Variants in PRPSAP2 observed in about 807,000 individuals in gnomAD.
PRPSAP2 encodes the protein phosphoribosyl pyrophosphate synthase-associated protein 2.
In PRPSAP2, 24 loss-of-function variants were observed where a neutral mutation model predicts 40.6. That is an observed-to-expected ratio of 0.59 (90% CI 0.43 to 0.83). The LOEUF (loss-of-function observed/expected upper bound fraction) is 0.83, where lower values mean the gene tolerates loss of function less well. PRPSAP2 is among the 40% of genes least tolerant of loss of function. The pLI, the probability that PRPSAP2 is intolerant of heterozygous loss-of-function variation, is 0.00. For missense variants in PRPSAP2, 292 were observed against 465.6 expected (o/e 0.63, Z 3.43); for synonymous variants, 149 against 164.7 (o/e 0.90, Z 0.73).
intron 5 of PRPSAP2, among the ~76,000 whole-genome samples, chr17:18,876,858 C>T (rs772580644): frequency 2.0e-5 from 3 of 152,034 alleles, no homozygotes; most frequent in African/African-American, 4.8e-5. Flanking sequence ...AGCCCCTTAG[C>T]GGTGTGAGCT....
intron 5 of PRPSAP2, among the ~76,000 whole-genome samples, chr17:18,874,679 T>A (rs962488026): frequency 5.9e-5 from 9 of 152,240 alleles, no homozygotes; most frequent in African/African-American, 2.2e-4. Flanking sequence ...TCAGCAGAGC[T>A]GGAGGTGGGG....
intron 7 of PRPSAP2, 71 bp from the exon 8 acceptor site, chr17:18,889,751 G>A: frequency 8.0e-7 from 1 of 1,254,938 alleles, no homozygotes; most frequent in Non-Finnish European, 1.1e-6. Flanking sequence ...AACTAGCCAA[G>A]CATTTTTGGG....
At chr17:18,873,286 C>G (rs1052310249) in intron 5 of PRPSAP2, among the ~76,000 whole-genome samples, 2 of 150,824 alleles carry the variant, frequency 1.3e-5, no homozygotes, top group Non-Finnish European at 2.9e-5. Flanking sequence ...CTCAGCTTAC[C>G]GCAACCTCTG....
chr17:18,865,824 G>A lies in PRPSAP2; in HGVS notation c.-10G>A, dbSNP rs1365291549. 4 of 1,472,882 alleles carry A rather than the reference G, an allele frequency of 2.7e-6. No individual in the cohort carries two copies. The Admixed American group carries it at 5.9e-5, about 22-fold the overall frequency. The allele number at this position is 1,472,882 out of a possible 1,614,324, so 91.2% of individuals were successfully genotyped here. ...TAGGCTCTGAAAATTGGAAAACCAA[G>A]AAGGTTTTGATGTTTTGTGTGACGC... is the stretch of plus-strand genomic sequence containing the variant. On this transcript the variant is annotated 5_prime_UTR_variant, in exon 3 of 12. Transcript: ENST00000268835.
chr17:18,891,897 C>G (rs1226252250), intron 8 of PRPSAP2, among the ~76,000 whole-genome samples: 1 of 152,204 alleles, frequency 6.6e-6, no homozygotes, highest in Non-Finnish European at 1.5e-5. Context: ...TACTCTGTTG[C>G]CGAGGCTGGA....
At chr17:18,899,642 C>A (rs2040145916) in intron 8 of PRPSAP2, among the ~76,000 whole-genome samples, 1 of 148,498 alleles carries the variant, frequency 6.7e-6, no homozygotes, top group South Asian at 2.1e-4. Context: ...AATCCTCCCA[C>A]ATCCGCCTCC....
At chr17:18,912,286 T>G (rs375791627) in intron 9 of PRPSAP2, among the ~76,000 whole-genome samples, 2 of 152,026 alleles carry the variant, frequency 1.3e-5, no homozygotes, top group South Asian at 2.1e-4. Context: ...TGGAGAAAGG[T>G]GGAAGACTCC....
At chr17:18,923,652 T>G (rs1404712263) in intron 9 of PRPSAP2, among the ~76,000 whole-genome samples, 5 of 152,250 alleles carry the variant, frequency 3.3e-5, no homozygotes, top group African/African-American at 1.2e-4. Flanking sequence ...TTACCCTTGC[T>G]AGAGTATCCA....
chr17:18,910,573 G>C (rs1006676723), intron 8 of PRPSAP2, among the ~76,000 whole-genome samples: 1 of 152,186 alleles, frequency 6.6e-6, no homozygotes, highest in African/African-American at 2.4e-5. Flanking sequence ...AGATGCTTGT[G>C]GTGATGACGT....
intron 6 of PRPSAP2, among the ~76,000 whole-genome samples, chr17:18,881,651 C>T (rs2038751939): frequency 6.6e-6 from 1 of 151,812 alleles, no homozygotes; most frequent in South Asian, 2.1e-4. Flanking sequence ...GATTCTCCCA[C>T]CTTAGCCTCC....
At chr17:18,871,520 A>G (rs949522953) in intron 4 of PRPSAP2, among the ~76,000 whole-genome samples, 1 of 152,036 alleles carries the variant, frequency 6.6e-6, no homozygotes, top group Non-Finnish European at 1.5e-5. Flanking sequence ...TTGTTTCTTT[A>G]TGACTGATCA....
At chr17:18,919,626 ACTGCAC>A in intron 9 of PRPSAP2, among the ~76,000 whole-genome samples, 1 of 152,318 alleles carries the variant, frequency 6.6e-6, no homozygotes, top group East Asian at 1.9e-4. Context: ...TGATGGTGCC[ACTGCAC>A]TCCAGCCTGT....
Position 18,888,829 on chromosome 17 carries a change from G to A in PRPSAP2, c.529-993G>A, listed in dbSNP as rs1194374586. Among the ~76,000 whole-genome samples the A allele has an allele frequency of 1.7e-4, 6 of 34,412 alleles. 1 individual carries two copies. Among genetic ancestry groups the A allele is most frequent in the African/African-American group, 6.1e-4 (5 of 8,154 alleles). 22.6% of individuals were successfully genotyped at this position (34,412 alleles called of 152,430 possible). ...TCCTCACTTCCCAGTAGGGGTGGCC[G>A]GGCAGAGGCGCCCCTCACCTCAACT... On this transcript the variant is annotated intron_variant, in intron 7 of 11. Coordinates refer to ENST00000268835, the MANE Select transcript of PRPSAP2 (RefSeq NM_002767.4).
At chr17:18,919,844 C>CT (rs1456347607) in intron 9 of PRPSAP2, among the ~76,000 whole-genome samples, 1 of 152,202 alleles carries the variant, frequency 6.6e-6, no homozygotes, top group Non-Finnish European at 1.5e-5. Flanking sequence ...GCTTTTTCCA[C>CT]TGTGTTCTTG....
chr17:18,893,767 G>T (rs762904295), intron 8 of PRPSAP2, among the ~76,000 whole-genome samples: 7 of 152,144 alleles, frequency 4.6e-5, no homozygotes, highest in Non-Finnish European at 7.3e-5. Context: ...CGCCATGTTG[G>T]CCAGACTGGT....
At position 18,923,886 on chromosome 17, in the gene PRPSAP2, T is replaced by G. The variant is rs183282364; in HGVS notation, c.734-28T>G. On this transcript the variant is annotated intron_variant, in intron 9 of 11. Transcript: ENST00000268835. ...TTGTTTTACTTTTTAATATAAAAAT[T>G]TTGGTGTGTGTGTTTTATTCCAACC... The G allele has an allele frequency of 1.7e-4, 271 of 1,566,104 alleles. 3 individuals are homozygous for G. In the East Asian group the frequency reaches 3.8e-3, roughly 22 times the overall value.
At position 18,911,921 on chromosome 17, in the gene PRPSAP2, G is replaced by A. The variant is rs763225514; in HGVS notation, c.733+670G>A. Among the ~76,000 whole-genome samples the A allele has an allele frequency of 4.0e-5, 6 of 151,704 alleles. No individual in the cohort carries two copies. The South Asian group carries it at 8.3e-4, about 21-fold the overall frequency. On this transcript the variant is annotated intron_variant, in intron 9 of 11. Transcript: ENST00000268835. The surrounding 1 kb of genome is among the most constrained non-coding windows in gnomAD (Gnocchi z 4.5). The stretch of plus-strand genomic sequence containing the variant: ...TGATGGGCCGGGCACGGTGGCTCAC[G>A]CCTGTAATCCCAACACTTTGGGAGG...
intron 8 of PRPSAP2, among the ~76,000 whole-genome samples, chr17:18,895,286 C>A (rs943182950): frequency 6.6e-6 from 1 of 151,390 alleles, no homozygotes; most frequent in Non-Finnish European, 1.5e-5. Context: ...TTGTTAGAGA[C>A]GGGGGTCTGA....
At chr17:18,913,346 G>A (rs1041928255) in intron 9 of PRPSAP2, among the ~76,000 whole-genome samples, 4 of 152,052 alleles carry the variant, frequency 2.6e-5, no homozygotes, top group African/African-American at 4.8e-5. Flanking sequence ...GGGGTGGCCC[G>A]AGCTATAGTT....
Sources: gnomAD v4.1 joint callset for allele counts (sites outside exome capture counted in the v4.1 genomes callset) on GRCh38, gnomAD v4.1.1 for gene constraint, Gnocchi (gnomAD v3.1) non-coding constraint, MANE v1.5 for transcripts, NCBI Gene and HGNC (gene_info 2026-07-23, HGNC 2026-07-21) for gene names.